Variants in TMC1 observed in about 807,000 individuals in gnomAD.
The protein encoded by TMC1 is transmembrane channel-like protein 1.
TMC1 carries 84 observed loss-of-function variants against 105.8 expected under a neutral mutation model. The observed-to-expected ratio is 0.79, with a 90% CI of 0.67 to 0.95. TMC1 has a LOEUF of 0.95. Ranked by LOEUF, TMC1 falls within the 40% of genes least tolerant of loss-of-function variation. The pLI is 0.00. For missense variants in TMC1, 817 were observed against 914.1 expected (o/e 0.89, Z 1.37); for synonymous variants, 315 against 311.5 (o/e 1.01, Z -0.12).
intron 3 of TMC1, among the ~76,000 whole-genome samples, chr9:72,621,690 G>A (rs966768740): frequency 2.6e-5 from 4 of 152,156 alleles, no homozygotes; most frequent in African/African-American, 9.7e-5. Flanking sequence ...ATCACTCAGT[G>A]TCTGAGAATT....
intron 8 of TMC1, among the ~76,000 whole-genome samples, chr9:72,723,048 T>C (rs1475876197): frequency 6.6e-6 from 1 of 152,134 alleles, no homozygotes; most frequent in African/African-American, 2.4e-5. Flanking sequence ...ATTTAATCTA[T>C]AATCAACTAT....
At chr9:72,525,278 A>G (rs1458247755) in intron 1 of TMC1, among the ~76,000 whole-genome samples, 1 of 152,190 alleles carries the variant, frequency 6.6e-6, no homozygotes, top group Non-Finnish European at 1.5e-5. Context: ...CCTTGTAAGT[A>G]GGACAGGAGG....
chr9:72,578,059 T>G (rs962651688), intron 2 of TMC1, 36 bp downstream of exon 2: 7 of 152,080 alleles, frequency 4.6e-5, no homozygotes, highest in African/African-American at 1.2e-4. Context: ...TTTTGTATTT[T>G]TAGTAGAGGC....
chr9:72,601,543 G>T (rs1824816310), intron 2 of TMC1, among the ~76,000 whole-genome samples: 1 of 152,168 alleles, frequency 6.6e-6, no homozygotes. Context: ...TACTCAGGAG[G>T]CTGAGGCCAG....
At position 72,830,432 on chromosome 9, in the gene TMC1, T is replaced by A; in HGVS notation, c.2130-19T>A. ...ACTGAAATATACCTTACACTGTATT[T>A]TTTTTCTTTTTAATTTAGTTTGGCC... On this transcript the variant is annotated intron_variant, in intron 21 of 23. Coordinates refer to ENST00000297784, the MANE Select transcript of TMC1 (RefSeq NM_138691.3). 1.3e-6 allele frequency: 2 copies of A among 1,579,918 alleles called. No individual in the cohort carries two copies. The highest frequency in any genetic ancestry group is 8.7e-7 in the Non-Finnish European group (1 of 1,149,762).
At chr9:72,829,694 G>A (rs1720849843) in intron 21 of TMC1, among the ~76,000 whole-genome samples, 1 of 152,126 alleles carries the variant, frequency 6.6e-6, no homozygotes, top group Admixed American at 6.5e-5. Flanking sequence ...TTCATTTTGG[G>A]GAGTAGAGGA....
At chr9:72,809,592 T>C (rs1226382410) in intron 18 of TMC1, among the ~76,000 whole-genome samples, 1 of 152,200 alleles carries the variant, frequency 6.6e-6, no homozygotes, top group African/African-American at 2.4e-5. Context: ...GATGTAGACT[T>C]ACGTAGAGGT....
intron 13 of TMC1, among the ~76,000 whole-genome samples, chr9:72,773,658 A>G (rs751111748): frequency 6.6e-6 from 1 of 152,160 alleles, no homozygotes; most frequent in African/African-American, 2.4e-5. Context: ...TTTTGACTAT[A>G]TTGCTCTGGT....
At chr9:72,562,087 T>C (rs1481573637) in intron 1 of TMC1, among the ~76,000 whole-genome samples, 1 of 152,136 alleles carries the variant, frequency 6.6e-6, no homozygotes, top group East Asian at 1.9e-4. Context: ...TTTACTACTG[T>C]CTAATAACAT....
chr9:72,587,787 AT>A (rs1305772110), intron 2 of TMC1, among the ~76,000 whole-genome samples: 389 of 141,936 alleles, frequency 2.7e-3, no homozygotes, highest in African/African-American at 3.2e-3. Flanking sequence ...TTAATTTTTA[AT>A]TTTTTTTTTT....
chr9:72,665,986 T>G (rs1028039788), intron 5 of TMC1, among the ~76,000 whole-genome samples: 1 of 152,352 alleles, frequency 6.6e-6, no homozygotes, highest in East Asian at 1.9e-4. Context: ...GGCCTTTGGT[T>G]GCATCTTCTC....
chr9:72,773,325 T>G (rs1040031686), intron 13 of TMC1, among the ~76,000 whole-genome samples: 2 of 152,154 alleles, frequency 1.3e-5, no homozygotes, highest in Non-Finnish European at 2.9e-5. Context: ...ATGTGCAAGT[T>G]GAATGAGCTT....
intron 8 of TMC1, among the ~76,000 whole-genome samples, chr9:72,714,215 T>C (rs1826883046): frequency 6.6e-6 from 1 of 152,216 alleles, no homozygotes; most frequent in South Asian, 2.1e-4. Context: ...AAGTGCGATG[T>C]GGTGCTGAGA....
intron 5 of TMC1, among the ~76,000 whole-genome samples, chr9:72,686,084 C>T (rs1826375770): frequency 6.6e-6 from 1 of 152,170 alleles, no homozygotes; most frequent in Admixed American, 6.6e-5. Context: ...AAATGAGGAT[C>T]TGGGTTGCCT....
At chr9:72,791,863 T>G (rs1480445650) in intron 15 of TMC1, 23 bp from the exon 16 acceptor site, 1 of 1,605,420 alleles carries the variant, frequency 6.2e-7, no homozygotes, top group East Asian at 2.2e-5. Flanking sequence ...TTAACCTAGT[T>G]TCTCCCTTGT....
intron 10 of TMC1, among the ~76,000 whole-genome samples, 162 bp downstream of exon 10, chr9:72,742,687 C>A (rs1044122598): frequency 1.3e-5 from 2 of 152,254 alleles, no homozygotes; most frequent in Non-Finnish European, 2.9e-5. Context: ...TGCCTGCTTT[C>A]GTCACTGTGA....
chr9:72,832,772 C>T (rs1313374254), intron 23 of TMC1, among the ~76,000 whole-genome samples: 1 of 152,066 alleles, frequency 6.6e-6, no homozygotes, highest in African/African-American at 2.4e-5. Flanking sequence ...GTACAGTTAT[C>T]AGACTAGTTT....
chr9:72,685,948 C>T (rs373739330), intron 5 of TMC1, among the ~76,000 whole-genome samples: 46 of 152,172 alleles, frequency 3.0e-4, no homozygotes, highest in Non-Finnish European at 5.3e-4. Flanking sequence ...CTACTTTCAG[C>T]ATTATAGATT....
chr9:72,795,070 A>G (rs1046304929), intron 17 of TMC1, among the ~76,000 whole-genome samples: 3 of 152,230 alleles, frequency 2.0e-5, no homozygotes, highest in Non-Finnish European at 4.4e-5. Flanking sequence ...ACAGTCAGAT[A>G]AAAATAAAGG....
Sources: gnomAD v4.1 joint callset for allele counts (sites outside exome capture counted in the v4.1 genomes callset) on GRCh38, gnomAD v4.1.1 for gene constraint, MANE v1.5 for transcripts, NCBI Gene and HGNC (gene_info 2026-07-23, HGNC 2026-07-21) for gene names.